DPP6: variants seen among roughly 807,000 people sequenced by gnomAD.
DPP6 encodes the protein dipeptidyl peptidase like 6.
Under a neutral mutation model 122.6 loss-of-function variants are expected in DPP6, and 69 were observed. The observed-to-expected ratio is 0.56, with a 90% CI of 0.46 to 0.69. The LOEUF (loss-of-function observed/expected upper bound fraction) is 0.69. DPP6 is among the 30% of genes least tolerant of loss of function. The pLI, the probability that DPP6 is intolerant of heterozygous loss-of-function variation, is 0.00. For missense variants in DPP6, 928 were observed against 1,116.9 expected, an observed-to-expected ratio of 0.83 and a Z score of 2.41; for synonymous variants, 418 against 433.1, an observed-to-expected ratio of 0.97 and a Z score of 0.43.
intron 3 of DPP6, among the ~76,000 whole-genome samples, chr7:154,504,395 G>A (rs530281697): frequency 1.6e-4 from 25 of 152,156 alleles, no homozygotes; most frequent in Non-Finnish European, 3.7e-4. Context: ...TATCGTGAGT[G>A]TAAATTTAGC....
In DPP6 at chr7:154,772,895, A is replaced by T. The variant is rs767633987; in HGVS notation, c.1089A>T (p.Gly363=). ...CCCTACACGTTATTGGCTTAAATGG[A>T]CCCACCCATGATCTGGAGATGATGC... ...SISLHVIGLN[G]PTHDLEMMPP... The change falls in exon 10 of 26, where the codon GGA becomes GGT. Residue 363 remains glycine, a synonymous_variant. Transcript: ENST00000377770. 12 of 1,612,436 alleles carry T rather than the reference A, an allele frequency of 7.4e-6. No individual in the cohort carries two copies. Among genetic ancestry groups the T allele is most frequent in the Non-Finnish European group, 1.0e-5 (12 of 1,179,482 alleles).
At chr7:154,228,132 A>G (rs924753803) in intron 1 of DPP6, among the ~76,000 whole-genome samples, 1 of 152,222 alleles carries the variant, frequency 6.6e-6, no homozygotes, top group Non-Finnish European at 1.5e-5. Flanking sequence ...TAATTCTCAA[A>G]TTGTTTTTTG....
intron 1 of DPP6, among the ~76,000 whole-genome samples, chr7:154,291,607 C>T (rs1374858732): frequency 1.3e-5 from 2 of 152,208 alleles, no homozygotes; most frequent in Non-Finnish European, 2.9e-5. Context: ...CTTCAGTCTG[C>T]CCTGCTAGCC....
intron 1 of DPP6, among the ~76,000 whole-genome samples, chr7:153,905,489 C>T (rs1248219709): frequency 7.2e-5 from 11 of 152,052 alleles, no homozygotes; most frequent in African/African-American, 2.4e-4. Flanking sequence ...CAAGGTGTTT[C>T]GAAGCGAATG....
chr7:153,805,403 C>T, the DPP6 span, among the ~76,000 whole-genome samples: 11 of 152,182 alleles, frequency 7.2e-5, no homozygotes, highest in South Asian at 8.3e-4. Context: ...CCAAGTCAGA[C>T]GTCCCAAGGA....
chr7:154,599,293 G>A (rs1034984102), intron 5 of DPP6, among the ~76,000 whole-genome samples: 11 of 152,204 alleles, frequency 7.2e-5, no homozygotes, highest in South Asian at 2.1e-4. Context: ...CTGCCATTCC[G>A]TTTTAAAGTT....
At chr7:154,847,229 T>G (rs1335024414) in intron 16 of DPP6, among the ~76,000 whole-genome samples, 1 of 152,192 alleles carries the variant, frequency 6.6e-6, no homozygotes, top group Non-Finnish European at 1.5e-5. Flanking sequence ...GTGGCCAGAC[T>G]AGATGTCAAG....
At chr7:154,247,802 A>G (rs1278332026) in intron 1 of DPP6, among the ~76,000 whole-genome samples, 1 of 152,234 alleles carries the variant, frequency 6.6e-6, no homozygotes, top group Non-Finnish European at 1.5e-5. Flanking sequence ...CTTGTACAGG[A>G]AAGTTTATAG....
rs569451590 is a variant in DPP6 at position 154,692,980 on chromosome 7, T to A, written c.762+23539T>A. ...CTAATTTTTAAATTGTCTGTAGAGA[T>A]GAGGTTTTGCTATGTTGCCCAGGCT... is the stretch of plus-strand genomic sequence containing the variant. On this transcript the variant is annotated intron_variant, in intron 7 of 25. Coordinates refer to ENST00000377770, the MANE Select transcript of DPP6 (RefSeq NM_130797.4). Among the ~76,000 whole-genome samples, 9 of 152,252 alleles carry A rather than the reference T, an allele frequency of 5.9e-5. No individual in the cohort carries two copies. In the South Asian group the frequency reaches 1.9e-3, roughly 32 times the overall value.
chr7:154,046,639 T>A (rs920698568), intron 1 of DPP6, among the ~76,000 whole-genome samples: 1 of 152,020 alleles, frequency 6.6e-6, no homozygotes, highest in Non-Finnish European at 1.5e-5. Flanking sequence ...AAAGGAAGAC[T>A]CTTTCCTCTT....
At chr7:153,940,103 C>A (rs1043201810) in intron 1 of DPP6, among the ~76,000 whole-genome samples, 1 of 152,212 alleles carries the variant, frequency 6.6e-6, no homozygotes, top group East Asian at 1.9e-4. Context: ...CCTCCTCCCT[C>A]TTTTGAGTCT....
At chr7:154,553,542 T>C (rs1247562070) in intron 4 of DPP6, among the ~76,000 whole-genome samples, 2 of 152,212 alleles carry the variant, frequency 1.3e-5, no homozygotes, top group Admixed American at 1.3e-4. Context: ...CCTTAGGAAC[T>C]CTGTGAGCTT....
At chr7:154,162,729 C>G (rs10264431) in intron 1 of DPP6, among the ~76,000 whole-genome samples, 2 of 151,666 alleles carry the variant, frequency 1.3e-5, no homozygotes, top group Non-Finnish European at 2.9e-5. Flanking sequence ...ATTGCTAACA[C>G]TGAGTGGAAT....
intron 1 of DPP6, among the ~76,000 whole-genome samples, chr7:153,918,457 CACACACACA>C (rs1446361542): frequency 2.2e-5 from 3 of 137,836 alleles, no homozygotes; most frequent in African/African-American, 5.4e-5. Context: ...CACACACACA[CACACACACA>C]CTCTCTCTCT....
At chr7:153,899,941 T>C (rs1799572623) in intron 1 of DPP6, among the ~76,000 whole-genome samples, 1 of 152,244 alleles carries the variant, frequency 6.6e-6, no homozygotes, top group Admixed American at 6.5e-5. Flanking sequence ...CTCAGTTTGA[T>C]TTCTGAAGAT....
chr7:154,551,386 A>G (rs62477163), intron 4 of DPP6, among the ~76,000 whole-genome samples: 10,685 of 152,194 alleles, frequency 0.07, 448 homozygotes, highest in South Asian at 0.1. Flanking sequence ...TGTGCTAGAC[A>G]CAGATAGATG....
In DPP6 at chr7:154,225,598, G is replaced by A. The variant is rs113892709; in HGVS notation, c.243+172535G>A. Among the ~76,000 whole-genome samples, 1,377 of 152,220 alleles carry A rather than the reference G, an allele frequency of 9.0e-3. 14 individuals are homozygous for A. Among genetic ancestry groups the A allele is most frequent in the Non-Finnish European group, 0.013 (885 of 68,026 alleles). On this transcript the variant is annotated intron_variant, in intron 1 of 25. Transcript: ENST00000377770. ...AGAAAAAAAAATCTCATTGGTTTGGGAGTCTACTCTGTGACAGGCTTTGAG... is the reference window on the plus strand; with the variant it reads ...AGAAAAAAAAATCTCATTGGTTTGGAAGTCTACTCTGTGACAGGCTTTGAG...
At chr7:154,579,251 A>T (rs186281664) in intron 5 of DPP6, among the ~76,000 whole-genome samples, 33 of 152,322 alleles carry the variant, frequency 2.2e-4, no homozygotes, top group Non-Finnish European at 4.1e-4. Flanking sequence ...CAGGAGACCG[A>T]GACAGGAGAA....
intron 1 of DPP6, among the ~76,000 whole-genome samples, chr7:154,313,685 G>GTGTATATATATATA: frequency 2.9e-4 from 6 of 20,454 alleles, no homozygotes; most frequent in Non-Finnish European, 4.4e-4. Context: ...TTAAGATATG[G>GTGTATATATATATA]TATATATATA....
Sources: allele counts gnomAD v4.1 joint callset (sites outside exome capture counted in the v4.1 genomes callset), GRCh38; gene constraint gnomAD v4.1.1; transcripts MANE v1.5; gene names NCBI Gene and HGNC (gene_info 2026-07-23, HGNC 2026-07-21).